The following ADAM28 variants were observed in gnomAD, a reference collection of about 807,000 sequenced individuals.
ADAM28 encodes the protein ADAM metallopeptidase domain 28, also known as disintegrin and metalloproteinase domain-containing protein 28.
ADAM28 carries 105 observed loss-of-function variants against 101.2 expected under a neutral mutation model. That is an observed-to-expected ratio of 1.04 (90% CI 0.89 to 1.22). The LOEUF (loss-of-function observed/expected upper bound fraction) is 1.22. ADAM28 is among the 50% of genes most tolerant of loss of function. ADAM28 has a pLI of 0.00. For missense variants in ADAM28, 1,028 were observed against 945.4 expected (o/e 1.09, Z -1.15); for synonymous variants, 322 against 310.6 (o/e 1.04, Z -0.39).
At chr8:24,307,574 G>A (rs1809869327) in intron 2 of ADAM28, among the ~76,000 whole-genome samples, 1 of 152,156 alleles carries the variant, frequency 6.6e-6, no homozygotes, top group African/African-American at 2.4e-5. Context: ...AAATAAGTAT[G>A]TGTTAAATAA....
At chr8:24,353,592 G>C (rs779756578) in intron 21 of ADAM28, among the ~76,000 whole-genome samples, 178 bp from the exon 22 acceptor site, 1 of 152,108 alleles carries the variant, frequency 6.6e-6, no homozygotes, top group South Asian at 2.1e-4. Context: ...AGTGGTTAAA[G>C]TAGGACGAAT....
chr8:24,345,164 A>C (rs537736164), intron 18 of ADAM28, among the ~76,000 whole-genome samples: 1 of 151,932 alleles, frequency 6.6e-6, no homozygotes, highest in African/African-American at 2.4e-5. Context: ...ATGAATCACT[A>C]TTTTATTCCT....
chr8:24,323,725 G>A, intron 8 of ADAM28, 109 bp from the exon 9 acceptor site: 6 of 1,127,286 alleles, frequency 5.3e-6, no homozygotes, highest in Non-Finnish European at 7.4e-6. Context: ...TGGAAATAAG[G>A]TTTTTATACT....
In ADAM28 at chr8:24,294,395, CAA is replaced by C. The variant is rs1413926911; in HGVS notation, c.46+201_46+202del. Among the ~76,000 whole-genome samples the C allele has an allele frequency of 2.6e-5, 4 of 152,250 alleles. No individual in the cohort carries two copies. In the East Asian group the frequency reaches 7.7e-4, roughly 29 times the overall value. On this transcript the variant is annotated intron_variant, in intron 1 of 22. Coordinates refer to ENST00000265769, the MANE Select transcript of ADAM28 (RefSeq NM_014265.6). ...CAAAGACAATGTTAAAAAGAGGCAA[CAA>C]GAGGTCTTGAACCAATATGTATGCA...
intron 10 of ADAM28, 82 bp from the exon 11 acceptor site, chr8:24,329,903 G>T: frequency 1.4e-6 from 2 of 1,453,464 alleles, no homozygotes; most frequent in Non-Finnish European, 1.9e-6. Flanking sequence ...GAGAGAGAGA[G>T]AGAGAGAGAG....
chr8:24,340,605 C>T (rs913639092), intron 15 of ADAM28, among the ~76,000 whole-genome samples: 6 of 152,140 alleles, frequency 3.9e-5, no homozygotes, highest in Admixed American at 1.3e-4. Flanking sequence ...CAAGCAGCTC[C>T]TTCACCCCAC....
intron 14 of ADAM28, among the ~76,000 whole-genome samples, chr8:24,336,959 C>T (rs1467431772): frequency 2.0e-5 from 3 of 152,174 alleles, no homozygotes; most frequent in East Asian, 3.9e-4. Flanking sequence ...TGAAAGGGGT[C>T]ATTGCGTGCC....
intron 21 of ADAM28, 114 bp downstream of exon 21, chr8:24,352,166 T>C (rs1816235991): frequency 1.1e-6 from 1 of 894,858 alleles, no homozygotes; most frequent in Non-Finnish European, 1.7e-6. Context: ...GAAATCTATG[T>C]GAATATTAAT....
rs752439070 is a variant in ADAM28 at position 24,354,335 on chromosome 8, T to C, written c.2308-49T>C. On this transcript the variant is annotated intron_variant, in intron 22 of 22. Coordinates refer to ENST00000265769, the MANE Select transcript of ADAM28 (RefSeq NM_014265.6). ...TAGTTCAGCTTCATAATAGTAAATA[T>C]CTAAATTTTTGAAGAAAGTTGATCA... 27 of 1,461,070 alleles carry C rather than the reference T, an allele frequency of 1.8e-5. No individual in the cohort carries two copies. In the African/African-American group the frequency reaches 3.2e-4, roughly 17 times the overall value. The allele number at this position is 1,461,070 out of a possible 1,614,324, so 90.5% of individuals were successfully genotyped here. A position where few individuals can be genotyped will look rare whatever the true frequency, so the allele number is the denominator to read the frequency against.
intron 6 of ADAM28, among the ~76,000 whole-genome samples, chr8:24,317,865 T>C (rs1272882456): frequency 6.6e-6 from 1 of 151,868 alleles, no homozygotes; most frequent in Non-Finnish European, 1.5e-5. Flanking sequence ...AGTAGCCAAA[T>C]ATGCGGGGTT....
At chr8:24,317,966 T>G (rs1169363635) in intron 6 of ADAM28, among the ~76,000 whole-genome samples, 1 of 151,972 alleles carries the variant, frequency 6.6e-6, no homozygotes, top group Non-Finnish European at 1.5e-5. Context: ...AAAGAAAGGT[T>G]TGAGAATCCA....
chr8:24,344,669 T>C (rs62498249), intron 18 of ADAM28, among the ~76,000 whole-genome samples: 15,124 of 152,212 alleles, frequency 0.099, 987 homozygotes, highest in East Asian at 0.26. Context: ...CACATGTATT[T>C]GTCATGTATT....
In ADAM28 at chr8:24,332,691, C is replaced by T. The variant is rs867167454; in HGVS notation, c.1313C>T (p.Thr438Ile). Residue 438 changes from threonine (T) to isoleucine (I), a missense_variant, in exon 13 of 23, where the codon ACA becomes ATA. Physicochemically the swap from Thr to Ile is moderately conservative, Grantham distance 89. Transcript: ENST00000265769. ...ECTNICCDAK[T>I]CKIKATFQCA... ...ACCAATATTTGCTGTGATGCTAAGA[C>T]ATGTAAAATCAAAGCAACTTTTCAA... 2.6e-6 allele frequency: 4 copies of T among 1,524,832 alleles called. No individual in the cohort carries two copies. Among genetic ancestry groups the T allele is most frequent in the South Asian group, 1.4e-5 (1 of 73,280 alleles). The allele number at this position is 1,524,832 out of a possible 1,614,324, so 94.5% of individuals were successfully genotyped here. A position where few individuals can be genotyped will look rare whatever the true frequency, so the allele number is the denominator to read the frequency against.
At chr8:24,327,136 A>G (rs1036402835) in intron 10 of ADAM28, among the ~76,000 whole-genome samples, 1 of 152,008 alleles carries the variant, frequency 6.6e-6, no homozygotes, top group African/African-American at 2.4e-5. Context: ...TGATTGTATA[A>G]TTAGAAAACC....
In ADAM28 at chr8:24,341,875, C is replaced by A. The variant is rs1814809786; in HGVS notation, c.1830+118C>A. 8.2e-6 allele frequency: 10 copies of A among 1,221,196 alleles called. No individual in the cohort carries two copies. The South Asian group carries it at 9.5e-5, about 12-fold the overall frequency. 75.6% of individuals were successfully genotyped at this position (1,221,196 alleles called of 1,614,324 possible). A position where few individuals can be genotyped will look rare whatever the true frequency, so the allele number is the denominator to read the frequency against. ...TTTCCCGATTTTGGGGTTCGCCATG[C>A]CTTAATAGAACCCACAGAGTTTGAA... On this transcript the variant is annotated intron_variant, in intron 16 of 22. Coordinates refer to ENST00000265769, the MANE Select transcript of ADAM28 (RefSeq NM_014265.6).
At chr8:24,316,323 A>G (rs1469234893) in intron 6 of ADAM28, among the ~76,000 whole-genome samples, 1 of 151,954 alleles carries the variant, frequency 6.6e-6, no homozygotes, top group Non-Finnish European at 1.5e-5. Flanking sequence ...ACTGAAATTC[A>G]TTTAATATAT....
rs766221189 is a variant in ADAM28, at chr8:24,331,323, C to A, written c.1277C>A (p.Ser426Tyr). The A allele has an allele frequency of 5.0e-6, 8 of 1,602,436 alleles. No homozygotes were observed. Among genetic ancestry groups the A allele is most frequent in the African/African-American group, 2.7e-5 (2 of 74,322 alleles). ...GGAGAGGACTGTGATTGTGGGACAT[C>A]TGAGGTATGGCCAATCACTTTCTAA... Reference protein sequence around the residue: ...EMGEDCDCGTSEECTNICCDA... With the variant: ...EMGEDCDCGTYEECTNICCDA... The change falls in exon 12 of 23, where the codon TCT becomes TAT. Residue 426 changes from serine (S) to tyrosine (Y), a missense_variant. Ser to Tyr is a moderately radical substitution (Grantham distance 144, BLOSUM62 -2). Transcript: ENST00000265769.
rs771401963 is a variant in ADAM28, at chr8:24,331,273, T to C, written c.1227T>C (p.Ile409=). The change falls in exon 12 of 23, where the codon ATT becomes ATC. Residue 409 remains isoleucine (I), a synonymous_variant. Coordinates refer to ENST00000265769, the MANE Select transcript of ADAM28 (RefSeq NM_014265.6). ...CTACAGATATCATATCCACTCCAAT[T>C]TGTGGGAACCAGTTGGTGGAAATGG... ...PLPTDIISTP[I]CGNQLVEMGE... is the part of the protein sequence containing the mutation. The C allele has an allele frequency of 1.2e-6, 2 of 1,612,868 alleles. No homozygotes were observed. Among genetic ancestry groups the C allele is most frequent in the Non-Finnish European group, 1.7e-6 (2 of 1,179,358 alleles).
At chr8:24,310,569 T>C (rs75653837) in intron 4 of ADAM28, among the ~76,000 whole-genome samples, 2,334 of 152,260 alleles carry the variant, frequency 0.015, 65 homozygotes, top group African/African-American at 0.053. Flanking sequence ...TCTGGATTTG[T>C]GGTCTCTTCA....
Sources: gnomAD v4.1 joint callset for allele counts (sites outside exome capture counted in the v4.1 genomes callset) on GRCh38, gnomAD v4.1.1 for gene constraint, MANE v1.5 for transcripts, NCBI Gene and HGNC (gene_info 2026-07-23, HGNC 2026-07-21) for gene names.